ANKS1A: variants seen among roughly 807,000 people sequenced by gnomAD.
ANKS1A encodes ankyrin repeat and sterile alpha motif domain containing 1A, also known as ankyrin repeat and SAM domain-containing protein 1A.
In ANKS1A, 55 loss-of-function variants were observed where a neutral mutation model predicts 120.3. That is an observed-to-expected ratio of 0.46 (90% CI 0.37 to 0.57). The LOEUF (loss-of-function observed/expected upper bound fraction) is 0.57. Ranked by LOEUF, ANKS1A falls within the 20% of genes least tolerant of loss-of-function variation. ANKS1A has a pLI of 0.00. For missense variants in ANKS1A, 1,123 were observed against 1,480.3 expected (o/e 0.76, Z 3.96); for synonymous variants, 590 against 604.7 (o/e 0.98, Z 0.36).
intron 10 of ANKS1A, among the ~76,000 whole-genome samples, chr6:35,010,108 G>A (rs1166762919): frequency 2.0e-5 from 3 of 151,810 alleles, no homozygotes; most frequent in Non-Finnish European, 4.4e-5. Flanking sequence ...AACTGCTTGA[G>A]CCCAGGAGGT....
At position 35,060,897 on chromosome 6, in the gene ANKS1A, C is replaced by A. The variant is rs545240240; in HGVS notation, c.2184+644C>A. 1.2e-4 allele frequency among the ~76,000 whole-genome samples: 18 copies of A among 152,210 alleles called. No homozygotes were observed. Among genetic ancestry groups the A allele is most frequent in the Non-Finnish European group, 2.4e-4 (16 of 68,032 alleles). On this transcript the variant is annotated intron_variant, in intron 13 of 23. Coordinates refer to ENST00000360359, the MANE Select transcript of ANKS1A (RefSeq NM_015245.3). This position sits in a 1 kb window ranked among gnomAD's most constrained non-coding sequence, Gnocchi z 4.5. ...CCCTGGGCTCAGGATCTGGTGCACACTCTGTCATTTCAGAAAGTAGCTCTG... is the reference window on the plus strand; with the variant it reads ...CCCTGGGCTCAGGATCTGGTGCACAATCTGTCATTTCAGAAAGTAGCTCTG...
At chr6:35,005,122 T>C (rs1773384208) in intron 10 of ANKS1A, among the ~76,000 whole-genome samples, 1 of 152,236 alleles carries the variant, frequency 6.6e-6, no homozygotes, top group South Asian at 2.1e-4. Context: ...AAAGTATGTC[T>C]GTAAAAAAGA....
chr6:34,996,881 G>A (rs1418527011), intron 10 of ANKS1A, among the ~76,000 whole-genome samples: 1 of 152,182 alleles, frequency 6.6e-6, no homozygotes, highest in Non-Finnish European at 1.5e-5. Context: ...TATGGATCAA[G>A]TTTCATTGTT....
At chr6:34,963,151 C>T (rs907585165) in intron 1 of ANKS1A, among the ~76,000 whole-genome samples, 1 of 152,142 alleles carries the variant, frequency 6.6e-6, no homozygotes, top group Non-Finnish European at 1.5e-5. Flanking sequence ...CATGAGCCAC[C>T]ACACCCGGCT....
intron 1 of ANKS1A, among the ~76,000 whole-genome samples, chr6:34,963,620 C>T (rs1238871779): frequency 2.0e-5 from 3 of 152,122 alleles, no homozygotes; most frequent in African/African-American, 4.8e-5. Flanking sequence ...GATTTTATTC[C>T]GTTTGGATAT....
chr6:35,029,989 A>G (rs1774825005), intron 11 of ANKS1A, among the ~76,000 whole-genome samples: 1 of 152,050 alleles, frequency 6.6e-6, no homozygotes, highest in Admixed American at 6.6e-5. Context: ...TTTAGCAACA[A>G]TTTGATCTAG....
intron 1 of ANKS1A, among the ~76,000 whole-genome samples, chr6:34,898,903 A>G (rs1011783045): frequency 6.6e-6 from 1 of 152,204 alleles, no homozygotes; most frequent in African/African-American, 2.4e-5. Context: ...GACATGGAAC[A>G]TGAGTTTGTT....
At chr6:34,997,014 G>T (rs1039727645) in intron 10 of ANKS1A, among the ~76,000 whole-genome samples, 2 of 152,018 alleles carry the variant, frequency 1.3e-5, no homozygotes, top group Non-Finnish European at 2.9e-5. Context: ...TAGTTCCATT[G>T]TCTTTCCCAT....
intron 11 of ANKS1A, among the ~76,000 whole-genome samples, chr6:35,040,367 C>A (rs1775395241): frequency 6.6e-6 from 1 of 152,238 alleles, no homozygotes; most frequent in African/African-American, 2.4e-5. Flanking sequence ...CCTCCTGCGG[C>A]CCTCGTCTTC....
intron 13 of ANKS1A, among the ~76,000 whole-genome samples, chr6:35,075,565 GCCA>G (rs1437800755): frequency 5.3e-5 from 8 of 151,828 alleles, no homozygotes; most frequent in Non-Finnish European, 1.0e-4. Context: ...ACAGGCGTCC[GCCA>G]CCACACCTGG....
chr6:34,899,093 A>G (rs1167685779), intron 1 of ANKS1A, among the ~76,000 whole-genome samples: 1 of 152,266 alleles, frequency 6.6e-6, no homozygotes, highest in Non-Finnish European at 1.5e-5. Flanking sequence ...AACAAGAAAC[A>G]TACATGTTGT....
At chr6:35,013,330 T>C (rs893992638) in intron 10 of ANKS1A, among the ~76,000 whole-genome samples, 4 of 152,202 alleles carry the variant, frequency 2.6e-5, no homozygotes, top group Non-Finnish European at 5.9e-5. Context: ...GGTCTCGCTG[T>C]GTCTCCCAGG....
At chr6:35,048,262 G>A (rs1469497295) in intron 11 of ANKS1A, among the ~76,000 whole-genome samples, 3 of 152,198 alleles carry the variant, frequency 2.0e-5, no homozygotes, top group Non-Finnish European at 4.4e-5. Flanking sequence ...AGGTGACGAT[G>A]TAAAGGGGAT....
chr6:34,903,658 C>T (rs775105531), intron 1 of ANKS1A, among the ~76,000 whole-genome samples: 23 of 151,978 alleles, frequency 1.5e-4, no homozygotes, highest in Non-Finnish European at 3.2e-4. Flanking sequence ...CCCTCATGCC[C>T]GGCTAATTTT....
chr6:35,051,762 C>T (rs1349871295), intron 11 of ANKS1A, among the ~76,000 whole-genome samples: 1 of 152,160 alleles, frequency 6.6e-6, no homozygotes, highest in Non-Finnish European at 1.5e-5. Context: ...CTCTGAATAA[C>T]ATTTTGTATC....
At chr6:34,972,232 G>C (rs1234609261) in intron 3 of ANKS1A, among the ~76,000 whole-genome samples, 1 of 152,106 alleles carries the variant, frequency 6.6e-6, no homozygotes, top group Non-Finnish European at 1.5e-5. Flanking sequence ...AGTATCAGTT[G>C]ATAAGTGGGA....
chr6:34,985,325 TG>T, intron 8 of ANKS1A, 47 bp downstream of exon 8: 1 of 1,586,236 alleles, frequency 6.3e-7, no homozygotes, highest in East Asian at 2.2e-5. Flanking sequence ...GTTGGCTGGC[TG>T]GCCCCTGAGG....
intron 1 of ANKS1A, among the ~76,000 whole-genome samples, chr6:34,955,296 C>G (rs565026868): frequency 1.2e-3 from 175 of 151,984 alleles, no homozygotes; most frequent in African/African-American, 4.1e-3. Context: ...ACCACCACAC[C>G]CAGCTAATTT....
intron 11 of ANKS1A, among the ~76,000 whole-genome samples, chr6:35,046,802 G>A (rs1443610305): frequency 6.6e-6 from 1 of 152,162 alleles, no homozygotes; most frequent in Non-Finnish European, 1.5e-5. Flanking sequence ...AATCCATTAA[G>A]TCTGTTATTC....
Sources: gnomAD v4.1 joint callset for allele counts (sites outside exome capture counted in the v4.1 genomes callset) on GRCh38, gnomAD v4.1.1 for gene constraint, Gnocchi (gnomAD v3.1) non-coding constraint, MANE v1.5 for transcripts, NCBI Gene and HGNC (gene_info 2026-07-23, HGNC 2026-07-21) for gene names.